The following B3GALT1 variants were observed in gnomAD, a reference collection of about 807,000 sequenced individuals.
The protein encoded by B3GALT1 is beta-1,3-galactosyltransferase 1.
A neutral mutation model predicts 23.2 loss-of-function variants in B3GALT1; 10 were observed. The ratio of observed to expected loss-of-function variants is 0.43; its 90% CI spans 0.27 to 0.73. The LOEUF is 0.73. Ranked by LOEUF, B3GALT1 falls within the 30% of genes least tolerant of loss-of-function variation. B3GALT1 has a pLI of 0.21. For missense variants in B3GALT1, 299 were observed against 405.4 expected (o/e 0.74, Z 2.25); for synonymous variants, 156 against 141.5 (o/e 1.10, Z -0.73).
chr2:167,498,469 G>T (rs1053838349), intron 2 of B3GALT1, among the ~76,000 whole-genome samples: 3 of 152,210 alleles, frequency 2.0e-5, no homozygotes, highest in Admixed American at 2.0e-4. Context: ...TATGAAATTG[G>T]TACAGTAAGC....
intron 3 of B3GALT1, among the ~76,000 whole-genome samples, chr2:167,797,331 T>C (rs7605384): frequency 0.024 from 3,672 of 152,360 alleles, 71 homozygotes; most frequent in South Asian, 0.069. Flanking sequence ...GGCTGCATAG[T>C]ATTCCATGGT....
rs1365819466 is a variant in B3GALT1, at chr2:167,295,795, GTGTGTGTA to G, written c.-511+2464_-511+2471del. On this transcript the variant is annotated intron_variant, in intron 1 of 4. Coordinates refer to ENST00000392690, the MANE Select transcript of B3GALT1 (RefSeq NM_020981.4). Reference sequence around the variant, plus strand: ...TGTGTGTGTGTGTGTGTGTGTGTGTGTGTGTGTATGGAACTTTTACTTGGAGGAAATCT... The same window carrying G: ...TGTGTGTGTGTGTGTGTGTGTGTGTGTGGAACTTTTACTTGGAGGAAATCT... 1.8e-3 allele frequency among the ~76,000 whole-genome samples: 276 copies of G among 149,360 alleles called. 1 individual carries two copies. Among genetic ancestry groups the G allele is most frequent in the African/African-American group, 6.7e-3 (264 of 39,580 alleles).
intron 4 of B3GALT1, among the ~76,000 whole-genome samples, chr2:167,842,332 C>T (rs1434382450): frequency 1.3e-5 from 2 of 152,166 alleles, no homozygotes; most frequent in Non-Finnish European, 2.9e-5. Context: ...AATTCTTTCC[C>T]ACATCTGTTC....
At chr2:167,618,420 A>G (rs553832518) in intron 2 of B3GALT1, among the ~76,000 whole-genome samples, 1 of 152,100 alleles carries the variant, frequency 6.6e-6, no homozygotes, top group Non-Finnish European at 1.5e-5. Context: ...ATTTTTCTGA[A>G]CCTTTTGAGA....
intron 3 of B3GALT1, among the ~76,000 whole-genome samples, chr2:167,745,708 T>G (rs1687642152): frequency 6.6e-6 from 1 of 152,208 alleles, no homozygotes; most frequent in Admixed American, 6.5e-5. Flanking sequence ...GAAAACCATC[T>G]ATTTATCTTG....
chr2:167,762,452 T>C (rs1447703675), intron 3 of B3GALT1, among the ~76,000 whole-genome samples: 1 of 152,112 alleles, frequency 6.6e-6, no homozygotes, highest in Non-Finnish European at 1.5e-5. Flanking sequence ...AAACAGGTCC[T>C]CTTCCTCTGG....
chr2:167,523,688 G>C (rs920635170), intron 2 of B3GALT1, among the ~76,000 whole-genome samples: 13 of 152,122 alleles, frequency 8.5e-5, no homozygotes, highest in African/African-American at 3.1e-4. Flanking sequence ...GCTTCCTGAA[G>C]TGCTGGGATG....
intron 2 of B3GALT1, among the ~76,000 whole-genome samples, chr2:167,500,719 T>G (rs1248640111): frequency 2.6e-5 from 4 of 152,238 alleles, no homozygotes; most frequent in Non-Finnish European, 4.4e-5. Context: ...CAATAAGTCT[T>G]TAACGATGAA....
At chr2:167,428,775 A>G (rs1359339339) in intron 1 of B3GALT1, among the ~76,000 whole-genome samples, 4 of 152,152 alleles carry the variant, frequency 2.6e-5, no homozygotes, top group African/African-American at 7.2e-5. Flanking sequence ...TTTGAGTTTC[A>G]TGGCTGCTCC....
intron 1 of B3GALT1, among the ~76,000 whole-genome samples, chr2:167,478,674 G>A (rs565357232): frequency 2.0e-5 from 3 of 151,728 alleles, no homozygotes; most frequent in African/African-American, 2.4e-5. Context: ...CCATTAACTC[G>A]TCATTTACAT....
rs901431647 is a variant in B3GALT1, at chr2:167,781,131, G to T, written c.-351-37541G>T. Among the ~76,000 whole-genome samples the T allele has an allele frequency of 4.4e-4, 67 of 152,234 alleles. 1 individual carries two copies. Among genetic ancestry groups the T allele is most frequent in the African/African-American group, 1.5e-3 (61 of 41,544 alleles). ...TTATATGCAAAATTTCTCTTAATTG[G>T]TACATAAGCATAAGAAAGTTTATTG... On this transcript the variant is annotated intron_variant, in intron 3 of 4. Transcript: ENST00000392690.
At chr2:167,817,820 T>C (rs1689025542) in intron 3 of B3GALT1, among the ~76,000 whole-genome samples, 2 of 152,236 alleles carry the variant, frequency 1.3e-5, no homozygotes, top group Admixed American at 1.3e-4. Context: ...TGTATACATA[T>C]ATAGCTTGAG....
At chr2:167,399,499 T>C (rs1698152596) in intron 1 of B3GALT1, among the ~76,000 whole-genome samples, 1 of 152,182 alleles carries the variant, frequency 6.6e-6, no homozygotes, top group African/African-American at 2.4e-5. Flanking sequence ...CATTCTTTTT[T>C]CTTTTACATC....
intron 1 of B3GALT1, among the ~76,000 whole-genome samples, chr2:167,403,063 C>T (rs548241258): frequency 1.3e-5 from 2 of 150,674 alleles, no homozygotes; most frequent in African/African-American, 4.9e-5. Flanking sequence ...TTCTAGGGTA[C>T]ATGTGCACAA....
At chr2:167,440,343 TG>T (rs1440955641) in intron 1 of B3GALT1, among the ~76,000 whole-genome samples, 113 of 105,662 alleles carry the variant, frequency 1.1e-3, no homozygotes, top group African/African-American at 5.3e-3. Context: ...AGACTCTGTC[TG>T]AAAAAAAAAA....
At chr2:167,393,177 T>G (rs977347241) in intron 1 of B3GALT1, among the ~76,000 whole-genome samples, 2 of 148,438 alleles carry the variant, frequency 1.3e-5, no homozygotes, top group African/African-American at 2.5e-5. Flanking sequence ...GAGCTTGCAG[T>G]GAGCCGAGAT....
intron 2 of B3GALT1, among the ~76,000 whole-genome samples, chr2:167,547,096 G>A (rs963736535): frequency 2.0e-5 from 3 of 152,132 alleles, no homozygotes; most frequent in African/African-American, 7.2e-5. Context: ...TCCCACCACA[G>A]CAGCACGTCC....
At chr2:167,800,224 A>G (rs1468615732) in intron 3 of B3GALT1, among the ~76,000 whole-genome samples, 2 of 152,194 alleles carry the variant, frequency 1.3e-5, no homozygotes, top group Non-Finnish European at 2.9e-5. Flanking sequence ...AATCATTGGG[A>G]CAGGAAGCCC....
intron 1 of B3GALT1, among the ~76,000 whole-genome samples, chr2:167,296,798 C>A (rs1484194245): frequency 6.6e-6 from 1 of 152,098 alleles, no homozygotes; most frequent in Non-Finnish European, 1.5e-5. Context: ...ACACAAAGAT[C>A]CCCACCCTTT....
Sources: allele counts gnomAD v4.1 joint callset (sites outside exome capture counted in the v4.1 genomes callset), GRCh38; gene constraint gnomAD v4.1.1; transcripts MANE v1.5; gene names NCBI Gene and HGNC (gene_info 2026-07-23, HGNC 2026-07-21).